The following AATF variants were observed in gnomAD, a reference collection of about 807,000 sequenced individuals.
AATF encodes apoptosis antagonizing transcription factor, also known as protein AATF.
AATF carries 48 observed loss-of-function variants against 63.7 expected under a neutral mutation model. The observed-to-expected ratio is 0.75, with a 90% CI of 0.60 to 0.96. The LOEUF is 0.96. AATF is among the 40% of genes least tolerant of loss of function. AATF has a pLI of 0.00. For missense variants in AATF, 639 were observed against 685.7 expected, an observed-to-expected ratio of 0.93 and a Z score of 0.76; for synonymous variants, 258 against 247.7, an observed-to-expected ratio of 1.04 and a Z score of -0.39.
intron 4 of AATF, among the ~76,000 whole-genome samples, chr17:36,968,400 A>C (rs1191504825): frequency 6.8e-6 from 1 of 146,252 alleles, no homozygotes; most frequent in Non-Finnish European, 1.5e-5. Context: ...TCAGCCCCAC[A>C]AGTAGCTGGG....
chr17:37,024,414 C>G (rs1272525709), intron 10 of AATF, among the ~76,000 whole-genome samples: 4 of 152,226 alleles, frequency 2.6e-5, no homozygotes, highest in Non-Finnish European at 5.9e-5. Context: ...TTGTAGCAAA[C>G]TGGAATTTGA....
intron 4 of AATF, among the ~76,000 whole-genome samples, chr17:36,973,799 G>A (rs769010740): frequency 1.1e-4 from 16 of 152,194 alleles, no homozygotes; most frequent in African/African-American, 3.6e-4. Context: ...GGCTGGGGAC[G>A]GTGGCTTACG....
intron 4 of AATF, among the ~76,000 whole-genome samples, chr17:36,969,828 C>A (rs1393554466): frequency 6.6e-6 from 1 of 152,164 alleles, no homozygotes; most frequent in Non-Finnish European, 1.5e-5. Flanking sequence ...CCTATTTGTC[C>A]CTAGGCAACC....
At chr17:37,013,214 A>C (rs1216008813) in intron 8 of AATF, among the ~76,000 whole-genome samples, 1 of 152,238 alleles carries the variant, frequency 6.6e-6, no homozygotes, top group Non-Finnish European at 1.5e-5. Context: ...TAAGCACAGG[A>C]AGATGCTCTG....
At position 36,953,869 on chromosome 17, in the gene AATF, A is replaced by G; in HGVS notation, c.794A>G (p.Asp265Gly). The stretch of plus-strand genomic sequence containing the variant: ...CCAGATGTTTTCCCATTGTTCAAGG[A>G]CAAAGGTGGCCCAGAATTTTCCAGT... ...PQPDVFPLFK[D>G]KGGPEFSSAL... The change falls in exon 4 of 12, where the codon GAC becomes GGC. Residue 265 changes from aspartate to glycine, a missense_variant. Physicochemically the swap from Asp to Gly is moderately conservative, Grantham distance 94. Transcript: ENST00000619387. The G allele has an allele frequency of 6.2e-7, 1 of 1,614,164 alleles. No homozygotes were observed. Among genetic ancestry groups the G allele is most frequent in the South Asian group, 1.1e-5 (1 of 91,072 alleles).
chr17:37,025,151 C>T (rs1335590408), intron 10 of AATF, among the ~76,000 whole-genome samples: 2 of 152,214 alleles, frequency 1.3e-5, no homozygotes, highest in East Asian at 3.9e-4. Context: ...TTTCAGGGAA[C>T]TAGATAGGTC....
intron 10 of AATF, among the ~76,000 whole-genome samples, chr17:37,025,008 T>C (rs2071500584): frequency 6.6e-6 from 1 of 151,946 alleles, no homozygotes; most frequent in Non-Finnish European, 1.5e-5. Context: ...ACTAGAAAGT[T>C]ATGAGAGCAA....
chr17:36,970,808 G>A (rs550595430), intron 4 of AATF, among the ~76,000 whole-genome samples: 36 of 151,968 alleles, frequency 2.4e-4, no homozygotes, highest in Non-Finnish European at 4.1e-4. Context: ...TGAGATTACA[G>A]GCATGAGCCA....
At chr17:37,009,048 CAA>C (rs900590622) in intron 8 of AATF, among the ~76,000 whole-genome samples, 11 of 152,130 alleles carry the variant, frequency 7.2e-5, no homozygotes, top group Admixed American at 7.2e-4. Flanking sequence ...AAATGAGACA[CAA>C]GAGGGAGTAT....
chr17:37,010,465 T>A (rs973971380), intron 8 of AATF, among the ~76,000 whole-genome samples: 1 of 141,388 alleles, frequency 7.1e-6, no homozygotes, highest in African/African-American at 2.5e-5. Context: ...CTCAAAAAAA[T>A]TATTATTATT....
chr17:36,955,651 C>T (rs1341025343), intron 4 of AATF, among the ~76,000 whole-genome samples: 1 of 152,096 alleles, frequency 6.6e-6, no homozygotes, highest in Non-Finnish European at 1.5e-5. Flanking sequence ...TTTTGTTACT[C>T]ATTATTCTTT....
chr17:36,989,393 G>A lies in AATF; in HGVS notation c.1296G>A (p.Glu432=). 1.2e-6 allele frequency: 2 copies of A among 1,612,796 alleles called. No homozygotes were observed. Among genetic ancestry groups the A allele is most frequent in the East Asian group, 2.2e-5 (1 of 44,848 alleles). ...KPEPAAQPVP[E]SLPGEPEILP... ...AGCCAGCAGCTCAGCCTGTCCCAGAGAGTTTGCCAGGGGAACCGGTAAGAA... is the reference window on the plus strand; with the variant it reads ...AGCCAGCAGCTCAGCCTGTCCCAGAAAGTTTGCCAGGGGAACCGGTAAGAA... Residue 432 remains glutamate (E), a synonymous_variant, in exon 7 of 12, where the codon GAG becomes GAA. Coordinates refer to ENST00000619387, the MANE Select transcript of AATF (RefSeq NM_012138.4).
chr17:36,983,496 C>T (rs1363819792), intron 4 of AATF, among the ~76,000 whole-genome samples: 11 of 152,152 alleles, frequency 7.2e-5, no homozygotes, highest in South Asian at 2.1e-4. Context: ...TACAGGCATG[C>T]GCCACCATAC....
intron 4 of AATF, among the ~76,000 whole-genome samples, chr17:36,967,755 T>C (rs2071002718): frequency 6.6e-6 from 1 of 152,128 alleles, no homozygotes; most frequent in Admixed American, 6.5e-5. Context: ...TATTCTATCA[T>C]CACAATTGAT....
intron 4 of AATF, among the ~76,000 whole-genome samples, chr17:36,973,501 A>G (rs2071055743): frequency 6.6e-6 from 1 of 152,238 alleles, no homozygotes; most frequent in African/African-American, 2.4e-5. Flanking sequence ...AATAAATGTC[A>G]CAGCTTAAAG....
chr17:36,992,093 T>C (rs1282711419), intron 8 of AATF, among the ~76,000 whole-genome samples: 1 of 152,240 alleles, frequency 6.6e-6, no homozygotes, highest in African/African-American at 2.4e-5. Context: ...ATGACTGCTG[T>C]ACTGTGTATA....
chr17:37,037,496 T>C (rs567184618), intron 11 of AATF, among the ~76,000 whole-genome samples: 1 of 152,338 alleles, frequency 6.6e-6, no homozygotes, highest in South Asian at 2.1e-4. Flanking sequence ...TTCACTTCTC[T>C]ATTGAAGTTA....
At chr17:36,982,491 C>CT (rs1339824523) in intron 4 of AATF, among the ~76,000 whole-genome samples, 1 of 152,010 alleles carries the variant, frequency 6.6e-6, no homozygotes, top group African/African-American at 2.4e-5. Context: ...GCAGCTGGGA[C>CT]TACAGGCACG....
intron 8 of AATF, among the ~76,000 whole-genome samples, chr17:37,017,344 CCACTCCCCCT>C (rs1325763140): frequency 1.3e-5 from 2 of 152,014 alleles, no homozygotes; most frequent in African/African-American, 4.8e-5. Context: ...TTATTATTAA[CCACTCCCCCT>C]CACTCCCCCT....
Sources: allele counts gnomAD v4.1 joint callset (sites outside exome capture counted in the v4.1 genomes callset), GRCh38; gene constraint gnomAD v4.1.1; transcripts MANE v1.5; gene names NCBI Gene and HGNC (gene_info 2026-07-23, HGNC 2026-07-21).